Variants in PHACTR3 observed in about 807,000 individuals in gnomAD.
PHACTR3 encodes the protein protein phosphatase 1, regulatory subunit 123.
A neutral mutation model predicts 66.8 loss-of-function variants in PHACTR3; 16 were observed. That is an observed-to-expected ratio of 0.24 (90% CI 0.16 to 0.36). The LOEUF (loss-of-function observed/expected upper bound fraction) is 0.36, where lower values mean the gene tolerates loss of function less well. Among genes scored for constraint, PHACTR3 ranks in the 10% least tolerant of loss-of-function variants. The probability of loss-of-function intolerance (pLI) is 1.00; values close to 1 mark genes in which losing one functional copy is unlikely to be tolerated. For missense variants in PHACTR3, 647 were observed against 719.9 expected, an observed-to-expected ratio of 0.90 and a Z score of 1.16; for synonymous variants, 323 against 292.1, an observed-to-expected ratio of 1.11 and a Z score of -1.08.
intron 8 of PHACTR3, among the ~76,000 whole-genome samples, chr20:59,818,036 G>A (rs1460661646): frequency 1.3e-5 from 2 of 152,180 alleles, no homozygotes; most frequent in Admixed American, 6.5e-5. Flanking sequence ...GGCTACCACT[G>A]TCAGTATCCT....
intron 1 of PHACTR3, among the ~76,000 whole-genome samples, chr20:59,592,951 A>G (rs1322761718): frequency 6.6e-6 from 1 of 152,230 alleles, no homozygotes; most frequent in Admixed American, 6.5e-5. Flanking sequence ...TAAAGTTGCT[A>G]TAAGAATCCA....
intron 7 of PHACTR3, among the ~76,000 whole-genome samples, chr20:59,782,451 C>T (rs1331003139): frequency 1.8e-4 from 27 of 152,074 alleles, no homozygotes; most frequent in Admixed American, 1.8e-3. Context: ...AGAGTTTCAC[C>T]ATGTTGGCCA....
intron 6 of PHACTR3, 138 bp downstream of exon 6, chr20:59,773,591 C>T: frequency 1.0e-6 from 1 of 958,156 alleles, no homozygotes; most frequent in Non-Finnish European, 1.5e-6. Context: ...AAGGAAGTCA[C>T]ATTTTCATTT....
intron 3 of PHACTR3, among the ~76,000 whole-genome samples, chr20:59,753,566 G>A (rs754496430): frequency 8.6e-5 from 13 of 152,040 alleles, no homozygotes; most frequent in Non-Finnish European, 1.2e-4. Flanking sequence ...TCCTCTTCTC[G>A]TTGTCAGAAA....
rs2042005977 is a variant in PHACTR3 at position 59,820,585 on chromosome 20, G to A, written c.1328+14391G>A. ...AAAGCCCATCTGTGTGTGGCATGCA[G>A]GGTACAGGGAGTGGGTCCCGAGTCC... On this transcript the variant is annotated intron_variant, in intron 8 of 12. Coordinates refer to ENST00000371015, the MANE Select transcript of PHACTR3 (RefSeq NM_080672.5). The surrounding 1 kb of genome is among the most constrained non-coding windows in gnomAD (Gnocchi z 4.6). 6.6e-6 allele frequency among the ~76,000 whole-genome samples: 1 copy of A among 152,186 alleles called. No individual in the cohort carries two copies. The highest frequency in any genetic ancestry group is 2.1e-4 in the South Asian group (1 of 4,830).
At chr20:59,686,710 GTGA>G (rs1253630238) in intron 1 of PHACTR3, among the ~76,000 whole-genome samples, 33 of 143,582 alleles carry the variant, frequency 2.3e-4, no homozygotes, top group Non-Finnish European at 4.7e-4. Context: ...GATGATGGTG[GTGA>G]TGGTGGTGGT....
chr20:59,804,561 GTC>G (rs1189466861), intron 7 of PHACTR3, among the ~76,000 whole-genome samples: 1 of 152,118 alleles, frequency 6.6e-6, no homozygotes, highest in Non-Finnish European at 1.5e-5. Flanking sequence ...GTCGCATTCA[GTC>G]TCTCTCATAA....
At chr20:59,621,410 C>T (rs2034232925) in intron 1 of PHACTR3, among the ~76,000 whole-genome samples, 1 of 152,244 alleles carries the variant, frequency 6.6e-6, no homozygotes, top group African/African-American at 2.4e-5. Flanking sequence ...CTGGGCAGCC[C>T]ATGTCAGCCT....
chr20:59,744,369 G>A (rs1225747746), intron 2 of PHACTR3, among the ~76,000 whole-genome samples: 1 of 152,270 alleles, frequency 6.6e-6, no homozygotes, highest in Non-Finnish European at 1.5e-5. Flanking sequence ...CTCCACCCCA[G>A]GGCCCCGCCT....
chr20:59,592,193 TC>T (rs2033203281), intron 1 of PHACTR3, among the ~76,000 whole-genome samples: 1 of 152,152 alleles, frequency 6.6e-6, no homozygotes, highest in Non-Finnish European at 1.5e-5. Context: ...GTGTGCTGTT[TC>T]CCACGCCTGG....
intron 4 of PHACTR3, among the ~76,000 whole-genome samples, chr20:59,763,005 G>T (rs545502532): frequency 2.6e-5 from 4 of 152,286 alleles, no homozygotes; most frequent in African/African-American, 9.6e-5. Flanking sequence ...GTGAAAGTAG[G>T]TGATATGGTT....
rs545158139 is a variant in PHACTR3, at chr20:59,766,401, A to C, written c.542-785A>C. Among the ~76,000 whole-genome samples the C allele has an allele frequency of 2.0e-5, 3 of 152,330 alleles. No individual in the cohort carries two copies. In the South Asian group the frequency reaches 6.2e-4, roughly 32 times the overall value. The stretch of plus-strand genomic sequence containing the variant: ...GTTAAATGGAAAGGAATCCAGGCAA[A>C]GGACTTAGGGACTGTTGGTCCGATT... On this transcript the variant is annotated intron_variant, in intron 4 of 12. Coordinates refer to ENST00000371015, the MANE Select transcript of PHACTR3 (RefSeq NM_080672.5).
chr20:59,658,953 CT>C (rs764286425), intron 1 of PHACTR3, among the ~76,000 whole-genome samples: 7,599 of 131,160 alleles, frequency 0.058, 222 homozygotes, highest in African/African-American at 0.1. Flanking sequence ...GCTTACTTGT[CT>C]TTTTTTTTTT....
At chr20:59,828,545 A>G (rs1235550970) in intron 8 of PHACTR3, among the ~76,000 whole-genome samples, 4 of 152,198 alleles carry the variant, frequency 2.6e-5, no homozygotes, top group African/African-American at 9.7e-5. Context: ...TTGGAGGAAA[A>G]GGGACAAGAC....
chr20:59,661,360 G>A (rs1392176278), intron 1 of PHACTR3, among the ~76,000 whole-genome samples: 1 of 152,152 alleles, frequency 6.6e-6, no homozygotes, highest in African/African-American at 2.4e-5. Context: ...TGGAAGGTGG[G>A]GAAGGGGGGA....
intron 7 of PHACTR3, among the ~76,000 whole-genome samples, chr20:59,787,327 C>T (rs1364707790): frequency 6.6e-6 from 1 of 152,170 alleles, no homozygotes; most frequent in Non-Finnish European, 1.5e-5. Context: ...CGGGGCTGGG[C>T]TGGGGAGGGC....
At chr20:59,810,195 G>C (rs1027396256) in intron 8 of PHACTR3, among the ~76,000 whole-genome samples, 1 of 152,248 alleles carries the variant, frequency 6.6e-6, no homozygotes, top group Non-Finnish European at 1.5e-5. Context: ...ACCGCCGACT[G>C]TGAAGGTTGA....
intron 1 of PHACTR3, among the ~76,000 whole-genome samples, chr20:59,692,345 G>T (rs2037141285): frequency 6.6e-6 from 1 of 152,236 alleles, no homozygotes; most frequent in Non-Finnish European, 1.5e-5. Context: ...AGGTGTCCTT[G>T]TTTGTACTCA....
chr20:59,593,191 G>T (rs1386397019), intron 1 of PHACTR3, among the ~76,000 whole-genome samples: 1 of 152,184 alleles, frequency 6.6e-6, no homozygotes, highest in Non-Finnish European at 1.5e-5. Context: ...CTGGACTTTG[G>T]CCATTCTGAT....
Sources: allele counts gnomAD v4.1 joint callset (sites outside exome capture counted in the v4.1 genomes callset), GRCh38; gene constraint gnomAD v4.1.1; non-coding constraint Gnocchi (gnomAD v3.1); transcripts MANE v1.5; gene names NCBI Gene and HGNC (gene_info 2026-07-23, HGNC 2026-07-21).